The following HCN1 variants were observed in gnomAD, a reference collection of about 807,000 sequenced individuals.
HCN1 encodes hyperpolarization activated cyclic nucleotide gated potassium channel 1, also known as potassium/sodium hyperpolarization-activated cyclic nucleotide-gated channel 1.
HCN1 carries 13 observed loss-of-function variants against 78.9 expected under a neutral mutation model. That is an observed-to-expected ratio of 0.16 (90% CI 0.11 to 0.26). The LOEUF is 0.26. HCN1 is among the 10% of genes least tolerant of loss of function. HCN1 has a pLI of 1.00. For synonymous variants in HCN1, 552 were observed against 455.5 expected (o/e 1.21, Z -2.70); for missense variants, 810 against 1,154.3 (o/e 0.70, Z 4.32).
At chr5:45,381,591 T>A (rs947242242) in intron 4 of HCN1, among the ~76,000 whole-genome samples, 5 of 152,134 alleles carry the variant, frequency 3.3e-5, no homozygotes, top group African/African-American at 4.8e-5. Context: ...CTAGGTCCGA[T>A]GTTACCTTGC....
intron 3 of HCN1, among the ~76,000 whole-genome samples, chr5:45,401,658 T>G (rs1739806840): frequency 1.0e-5 from 1 of 97,408 alleles, no homozygotes; most frequent in African/African-American, 4.6e-5. Flanking sequence ...TAGAGAAAGG[T>G]TTTTTTTTTT....
Position 45,460,974 on chromosome 5 carries a change from G to C in HCN1, c.1011+872C>G, listed in dbSNP as rs974894259. ...AATGTAAAAATCTCATAAAATTAAA[G>C]TACCATAAAATGTCACACATCAAAG... On this transcript the variant is annotated intron_variant, in intron 3 of 7. Coordinates refer to ENST00000303230, the MANE Select transcript of HCN1 (RefSeq NM_021072.4). 1.4e-4 allele frequency among the ~76,000 whole-genome samples: 21 copies of C among 151,734 alleles called. No individual in the cohort carries two copies. The East Asian group carries it at 3.7e-3, about 27-fold the overall frequency.
At chr5:45,615,653 T>G (rs945598817) in intron 2 of HCN1, among the ~76,000 whole-genome samples, 1 of 152,030 alleles carries the variant, frequency 6.6e-6, no homozygotes. Context: ...ATTTTCTGAA[T>G]ATATCTAATT....
chr5:45,610,454 A>G lies in HCN1; in HGVS notation c.849+34731T>C, dbSNP rs201499200. ...AAGTATTTCAGTTTTATATATTTCA[A>G]GAATATACATTTATATATTGCGATA... On this transcript the variant is annotated intron_variant, in intron 2 of 7. Coordinates refer to ENST00000303230, the MANE Select transcript of HCN1 (RefSeq NM_021072.4). Among the ~76,000 whole-genome samples the G allele has an allele frequency of 3.3e-5, 5 of 151,480 alleles. No homozygotes were observed. The East Asian group carries it at 9.7e-4, about 29-fold the overall frequency.
intron 2 of HCN1, among the ~76,000 whole-genome samples, chr5:45,507,877 T>A (rs2111748926): frequency 6.6e-6 from 1 of 152,280 alleles, no homozygotes; most frequent in African/African-American, 2.4e-5. Context: ...CTAGGTAGTT[T>A]ATTATAATTC....
intron 2 of HCN1, among the ~76,000 whole-genome samples, chr5:45,606,680 G>T (rs1441399124): frequency 2.0e-5 from 3 of 151,664 alleles, no homozygotes; most frequent in Non-Finnish European, 1.5e-5. Flanking sequence ...ACTCAATCCC[G>T]AAAGGTAAAA....
chr5:45,404,339 C>T (rs1358467805), intron 3 of HCN1, among the ~76,000 whole-genome samples: 1 of 151,972 alleles, frequency 6.6e-6, no homozygotes, highest in Admixed American at 6.6e-5. Context: ...ATCCCACAGA[C>T]AATAAGCAAA....
intron 2 of HCN1, among the ~76,000 whole-genome samples, chr5:45,508,814 C>CTAAATAGATAATAGATAAACTAAATAGA (rs1263973470): frequency 6.6e-6 from 1 of 152,128 alleles, no homozygotes; most frequent in African/African-American, 2.4e-5. Context: ...GTTTGATAAA[C>CTAAATAGATAATAGATAAACTAAATAGA]TAATAGATAA....
Position 45,511,250 on chromosome 5 carries a change from G to T in HCN1, c.850-49243C>A, listed in dbSNP as rs532754887. 1.1e-4 allele frequency among the ~76,000 whole-genome samples: 17 copies of T among 152,070 alleles called. No homozygotes were observed. The South Asian group carries it at 2.7e-3, about 24-fold the overall frequency. On this transcript the variant is annotated intron_variant, in intron 2 of 7. Coordinates refer to ENST00000303230, the MANE Select transcript of HCN1 (RefSeq NM_021072.4). ...TGAGTCCATTATAATATAAATAAATGATTGAATCAAGAGATAAATGGAATA... is the reference window on the plus strand; with the variant it reads ...TGAGTCCATTATAATATAAATAAATTATTGAATCAAGAGATAAATGGAATA...
intron 2 of HCN1, among the ~76,000 whole-genome samples, chr5:45,587,443 G>C (rs577641306): frequency 6.6e-6 from 1 of 151,516 alleles, no homozygotes. Context: ...GCAAACTATC[G>C]CAAGGACAAA....
intron 4 of HCN1, among the ~76,000 whole-genome samples, chr5:45,381,694 T>C (rs1169427273): frequency 6.6e-6 from 1 of 152,002 alleles, no homozygotes; most frequent in Non-Finnish European, 1.5e-5. Flanking sequence ...CCTGCCTGCA[T>C]AAATCCCAGA....
chr5:45,381,557 T>C (rs1220781587), intron 4 of HCN1, among the ~76,000 whole-genome samples: 1 of 152,168 alleles, frequency 6.6e-6, no homozygotes, highest in Admixed American at 6.6e-5. Flanking sequence ...CCTCACATGG[T>C]CAGCTCCATT....
At chr5:45,516,742 T>C (rs1742523337) in intron 2 of HCN1, among the ~76,000 whole-genome samples, 1 of 151,930 alleles carries the variant, frequency 6.6e-6, no homozygotes. Context: ...TTTTATTGTC[T>C]TGAGGATTAC....
At chr5:45,535,687 G>A (rs538235063) in intron 2 of HCN1, among the ~76,000 whole-genome samples, 60 of 152,166 alleles carry the variant, frequency 3.9e-4, no homozygotes, top group South Asian at 1.2e-3. Context: ...AAGTCTCAGT[G>A]TTCATTGTTC....
At chr5:45,584,850 T>C (rs935473987) in intron 2 of HCN1, among the ~76,000 whole-genome samples, 10 of 152,226 alleles carry the variant, frequency 6.6e-5, no homozygotes, top group African/African-American at 2.2e-4. Context: ...GAAGTTTGAA[T>C]ATTGGCCCCC....
chr5:45,682,276 T>TATATATAC (rs1554039396), intron 1 of HCN1, among the ~76,000 whole-genome samples: 1 of 112,640 alleles, frequency 8.9e-6, no homozygotes, highest in African/African-American at 3.6e-5. Flanking sequence ...TATATACATA[T>TATATATAC]ATATATATAT....
intron 2 of HCN1, among the ~76,000 whole-genome samples, chr5:45,589,630 G>A (rs1035523876): frequency 6.6e-6 from 1 of 152,190 alleles, no homozygotes; most frequent in Non-Finnish European, 1.5e-5. Flanking sequence ...AACTCCAAAA[G>A]AGTAAAGTTT....
intron 1 of HCN1, among the ~76,000 whole-genome samples, chr5:45,652,666 G>C (rs939276798): frequency 6.6e-6 from 1 of 151,868 alleles, no homozygotes; most frequent in East Asian, 1.9e-4. Flanking sequence ...TTTCCTGATA[G>C]AATAGTCATC....
At chr5:45,667,421 AT>A (rs1417379728) in intron 1 of HCN1, among the ~76,000 whole-genome samples, 1 of 152,050 alleles carries the variant, frequency 6.6e-6, no homozygotes, top group African/African-American at 2.4e-5. Flanking sequence ...CTTAAAAAAA[AT>A]AAAGGTATTT....
Sources: allele counts gnomAD v4.1 joint callset (sites outside exome capture counted in the v4.1 genomes callset), GRCh38; gene constraint gnomAD v4.1.1; transcripts MANE v1.5; gene names NCBI Gene and HGNC (gene_info 2026-07-23, HGNC 2026-07-21).